Variants in DOCK4 observed in about 807,000 individuals in gnomAD.
DOCK4 encodes the protein dedicator of cytokinesis 4.
Under a neutral mutation model 268.1 loss-of-function variants are expected in DOCK4, and 97 were observed. The observed-to-expected ratio is 0.36, with a 90% CI of 0.31 to 0.43. The LOEUF (loss-of-function observed/expected upper bound fraction) is 0.43, where lower values mean the gene tolerates loss of function less well. Ranked by LOEUF, DOCK4 falls within the 20% of genes least tolerant of loss-of-function variation. The probability of loss-of-function intolerance (pLI) is 1.00; values close to 1 mark genes in which losing one functional copy is unlikely to be tolerated. For missense variants in DOCK4, 2,145 were observed against 2,455.7 expected (o/e 0.87, Z 2.67); for synonymous variants, 954 against 887.2 (o/e 1.08, Z -1.34).
intron 23 of DOCK4, among the ~76,000 whole-genome samples, chr7:111,854,268 C>T (rs1804823786): frequency 1.3e-5 from 2 of 152,196 alleles, no homozygotes; most frequent in Admixed American, 6.5e-5. Context: ...CTGACCTAAT[C>T]GGTTATGTTA....
chr7:111,772,619 A>G (rs1349797241), intron 36 of DOCK4, among the ~76,000 whole-genome samples: 1 of 151,954 alleles, frequency 6.6e-6, no homozygotes, highest in Non-Finnish European at 1.5e-5. Context: ...GACATAGTGA[A>G]ACCCTGTCTC....
At chr7:111,939,027 T>A (rs1284376084) in intron 11 of DOCK4, among the ~76,000 whole-genome samples, 1 of 148,066 alleles carries the variant, frequency 6.8e-6, no homozygotes, top group East Asian at 2.0e-4. Context: ...GAGAAAGCCA[T>A]GAACACCATG....
chr7:111,935,882 C>G (rs1794703475), intron 11 of DOCK4, among the ~76,000 whole-genome samples: 2 of 152,152 alleles, frequency 1.3e-5, no homozygotes, highest in South Asian at 4.1e-4. Flanking sequence ...TACAAGTGGC[C>G]CCAAAACAGA....
At chr7:112,196,899 C>A (rs1563178221) in intron 1 of DOCK4, among the ~76,000 whole-genome samples, 1 of 152,184 alleles carries the variant, frequency 6.6e-6, no homozygotes, top group Non-Finnish European at 1.5e-5. Flanking sequence ...TAGCACCTCA[C>A]ACAGTTCCCT....
chr7:111,934,096 C>A (rs571004142), intron 12 of DOCK4, among the ~76,000 whole-genome samples: 1 of 152,210 alleles, frequency 6.6e-6, no homozygotes, highest in African/African-American at 2.4e-5. Context: ...AAAAACAACA[C>A]ATTCAGTTCA....
chr7:111,769,721 G>A (rs750834193), intron 36 of DOCK4, 44 bp from the exon 37 acceptor site: 2 of 1,581,814 alleles, frequency 1.3e-6, no homozygotes, highest in East Asian at 2.3e-5. Context: ...AGGACCCCAA[G>A]CCACATTCCC....
At chr7:111,780,982 G>A (rs1798753681) in intron 35 of DOCK4, among the ~76,000 whole-genome samples, 1 of 152,152 alleles carries the variant, frequency 6.6e-6, no homozygotes, top group Non-Finnish European at 1.5e-5. Flanking sequence ...GTTAGTAATG[G>A]GGCTACTGAT....
rs150163407 is a variant in DOCK4 at position 111,933,877 on chromosome 7, T to C, written c.1066+1663A>G. Among the ~76,000 whole-genome samples, 21 of 152,250 alleles carry C rather than the reference T, an allele frequency of 1.4e-4. No individual in the cohort carries two copies. The East Asian group carries it at 3.9e-3, about 28-fold the overall frequency. On this transcript the variant is annotated intron_variant, in intron 12 of 52. Transcript: ENST00000428084. Reference sequence around the variant, plus strand: ...TCTGAAGCGTTGCCACATGTGTGAGTTGGAGGTACTTATGGCTCTCACTGA... The same window carrying C: ...TCTGAAGCGTTGCCACATGTGTGAGCTGGAGGTACTTATGGCTCTCACTGA...
chr7:111,957,092 A>G (rs1796502912), intron 8 of DOCK4, among the ~76,000 whole-genome samples: 1 of 152,186 alleles, frequency 6.6e-6, no homozygotes, highest in Non-Finnish European at 1.5e-5. Flanking sequence ...TGATAGGAAA[A>G]TGTTAATGCT....
chr7:111,793,879 G>C (rs1431776043), intron 30 of DOCK4, among the ~76,000 whole-genome samples: 2 of 152,120 alleles, frequency 1.3e-5, no homozygotes, highest in Non-Finnish European at 2.9e-5. Flanking sequence ...AGCCAGGCAT[G>C]GTGTGTCACG....
chr7:112,021,969 A>T (rs767856859), intron 1 of DOCK4, among the ~76,000 whole-genome samples: 59 of 152,226 alleles, frequency 3.9e-4, no homozygotes, highest in Non-Finnish European at 5.6e-4. Context: ...AAATATGCAT[A>T]TGATTATTTA....
intron 1 of DOCK4, among the ~76,000 whole-genome samples, chr7:112,145,470 C>G (rs1285370158): frequency 6.6e-6 from 1 of 152,172 alleles, no homozygotes; most frequent in Non-Finnish European, 1.5e-5. Flanking sequence ...GGCCGCGGGG[C>G]TCGCAGTAAT....
chr7:111,895,493 G>T, intron 16 of DOCK4, 119 bp downstream of exon 16: 1 of 865,830 alleles, frequency 1.2e-6, no homozygotes, highest in Non-Finnish European at 1.9e-6. Flanking sequence ...CTCCCTGACA[G>T]CAATCTTACA....
intron 25 of DOCK4, chr7:111,840,741 T>G (rs1390154652): frequency 7.5e-6 from 9 of 1,193,036 alleles, no homozygotes; most frequent in Non-Finnish European, 8.6e-6. Context: ...AATGGCACAT[T>G]GTGGGATCTG....
intron 1 of DOCK4, among the ~76,000 whole-genome samples, chr7:112,056,042 CTT>C (rs1185434049): frequency 6.6e-6 from 1 of 152,048 alleles, no homozygotes; most frequent in Non-Finnish European, 1.5e-5. Flanking sequence ...TCAGAGGAAA[CTT>C]TTCCTTCTAT....
chr7:112,167,946 A>G (rs1338862002), intron 1 of DOCK4, among the ~76,000 whole-genome samples: 3 of 152,122 alleles, frequency 2.0e-5, no homozygotes, highest in African/African-American at 7.2e-5. Context: ...AAATGTAGTC[A>G]CTTGGATATA....
chr7:111,829,074 T>C (rs1196386971), intron 26 of DOCK4, among the ~76,000 whole-genome samples: 1 of 152,026 alleles, frequency 6.6e-6, no homozygotes, highest in Non-Finnish European at 1.5e-5. Context: ...AATTTCAATA[T>C]CACTTATAAT....
chr7:111,979,816 G>A (rs1269677084), intron 7 of DOCK4, among the ~76,000 whole-genome samples: 1 of 152,156 alleles, frequency 6.6e-6, no homozygotes, highest in East Asian at 1.9e-4. Flanking sequence ...GAAAAAATTA[G>A]CTCCTTTACC....
intron 1 of DOCK4, among the ~76,000 whole-genome samples, chr7:112,169,321 C>G (rs1817875961): frequency 1.3e-5 from 2 of 152,150 alleles, no homozygotes; most frequent in Admixed American, 6.6e-5. Context: ...TCCTTTACAG[C>G]AGTACAAGAA....
Sources: allele counts gnomAD v4.1 joint callset (sites outside exome capture counted in the v4.1 genomes callset), GRCh38; gene constraint gnomAD v4.1.1; transcripts MANE v1.5; gene names NCBI Gene and HGNC (gene_info 2026-07-23, HGNC 2026-07-21).